The following PHLDB2 variants were observed in gnomAD, a reference collection of about 807,000 sequenced individuals.
PHLDB2 encodes the protein pleckstrin homology like domain family B member 2, also known as pleckstrin homology-like domain family B member 2.
In PHLDB2, 71 loss-of-function variants were observed where a neutral mutation model predicts 123.6. The ratio of observed to expected loss-of-function variants is 0.57; its 90% CI spans 0.47 to 0.70. The LOEUF is 0.70. Among genes scored for constraint, PHLDB2 ranks in the 30% least tolerant of loss-of-function variants. The pLI is 0.00. For synonymous variants in PHLDB2, 547 were observed against 541.6 expected, an observed-to-expected ratio of 1.01 and a Z score of -0.14; for missense variants, 1,446 against 1,519.5, an observed-to-expected ratio of 0.95 and a Z score of 0.80.
At chr3:111,964,917 A>G (rs1226316851) in intron 13 of PHLDB2, among the ~76,000 whole-genome samples, 18 of 152,276 alleles carry the variant, frequency 1.2e-4, no homozygotes, top group Non-Finnish European at 2.9e-5. Context: ...GTGAAATTCA[A>G]ATTATTTTCA....
chr3:111,923,948 CTG>C (rs1428858223), intron 5 of PHLDB2, among the ~76,000 whole-genome samples: 1 of 152,226 alleles, frequency 6.6e-6, no homozygotes, highest in East Asian at 1.9e-4. Context: ...TTGCATCACA[CTG>C]TACTTGACTA....
intron 2 of PHLDB2, among the ~76,000 whole-genome samples, chr3:111,852,367 T>TTA (rs1324604928): frequency 6.7e-6 from 1 of 148,382 alleles, no homozygotes. Flanking sequence ...TACACATATA[T>TTA]TATATATACA....
intron 1 of PHLDB2, among the ~76,000 whole-genome samples, chr3:111,781,797 G>C (rs998789773): frequency 2.6e-5 from 4 of 152,074 alleles, no homozygotes; most frequent in African/African-American, 9.7e-5. Context: ...TTGGGGGAAA[G>C]GTGTTTTTTA....
intron 1 of PHLDB2, among the ~76,000 whole-genome samples, chr3:111,733,003 A>C (rs1175836674): frequency 6.6e-6 from 1 of 152,228 alleles, no homozygotes; most frequent in Non-Finnish European, 1.5e-5. Flanking sequence ...AAATGATTTC[A>C]TTGGTGGTAA....
At chr3:111,927,486 A>T (rs953858915) in intron 5 of PHLDB2, among the ~76,000 whole-genome samples, 1 of 152,228 alleles carries the variant, frequency 6.6e-6, no homozygotes, top group Non-Finnish European at 1.5e-5. Context: ...GCGTGCCTAG[A>T]GTGCTGGGTT....
chr3:111,793,336 A>C (rs564890104), intron 1 of PHLDB2, among the ~76,000 whole-genome samples: 1 of 152,072 alleles, frequency 6.6e-6, no homozygotes, highest in African/African-American at 2.4e-5. Context: ...TGCAGAAAAT[A>C]CTGCTTGGCT....
At chr3:111,911,781 G>GT (rs577896517) in intron 2 of PHLDB2, 270 of 1,421,318 alleles carry the variant, frequency 1.9e-4, no homozygotes, top group Non-Finnish European at 2.1e-4. Context: ...TTGCTCTTTT[G>GT]TTTTTTTTGT....
intron 5 of PHLDB2, among the ~76,000 whole-genome samples, chr3:111,929,868 C>A (rs1444029465): frequency 6.6e-6 from 1 of 151,898 alleles, no homozygotes; most frequent in African/African-American, 2.4e-5. Flanking sequence ...AATTGCAAAA[C>A]CTTTTGAGCA....
intron 1 of PHLDB2, among the ~76,000 whole-genome samples, chr3:111,865,669 T>G (rs2065033758): frequency 6.6e-6 from 1 of 152,138 alleles, no homozygotes. Context: ...TCTGACTTGC[T>G]TCCCTGGCAG....
rs188654826 is a variant in PHLDB2, at chr3:111,919,847, C to T, written c.1864-435C>T. 1.9e-3 allele frequency among the ~76,000 whole-genome samples: 296 copies of T among 152,258 alleles called. 1 individual carries two copies. The highest frequency in any genetic ancestry group is 6.7e-3 in the African/African-American group (277 of 41,548). ...AGGGGACTGCTCACCTGTTGTCTTGCGTAGAGACGCTGGAAGCCCCTCCTG... is the reference window on the plus strand; with the variant it reads ...AGGGGACTGCTCACCTGTTGTCTTGTGTAGAGACGCTGGAAGCCCCTCCTG... On this transcript the variant is annotated intron_variant, in intron 4 of 17. Transcript: ENST00000431670.
intron 1 of PHLDB2, among the ~76,000 whole-genome samples, chr3:111,883,691 A>G (rs945392717): frequency 6.6e-6 from 1 of 152,230 alleles, no homozygotes; most frequent in Non-Finnish European, 1.5e-5. Context: ...AGTCCATTGC[A>G]TTATGCCTTT....
At chr3:111,968,992 T>C (rs528804595) in intron 15 of PHLDB2, among the ~76,000 whole-genome samples, 4 of 152,160 alleles carry the variant, frequency 2.6e-5, no homozygotes, top group Non-Finnish European at 4.4e-5. Context: ...CTATCACCCA[T>C]GGTGATATAT....
At chr3:111,751,100 A>T (rs1028898723) in intron 1 of PHLDB2, among the ~76,000 whole-genome samples, 2 of 152,034 alleles carry the variant, frequency 1.3e-5, no homozygotes, top group Non-Finnish European at 2.9e-5. Context: ...CCAACCTGTG[A>T]TCTCAGCAAA....
chr3:111,935,844 C>T (rs1331045867), intron 6 of PHLDB2, among the ~76,000 whole-genome samples: 1 of 152,186 alleles, frequency 6.6e-6, no homozygotes, highest in Non-Finnish European at 1.5e-5. Flanking sequence ...TCCCAGCCCA[C>T]CGACTCAAAT....
At chr3:111,800,013 CT>C (rs774498595) in intron 1 of PHLDB2, among the ~76,000 whole-genome samples, 3 of 151,528 alleles carry the variant, frequency 2.0e-5, no homozygotes, top group Admixed American at 6.6e-5. Context: ...ACTCGAGAAA[CT>C]TTTTTTTTGA....
intron 1 of PHLDB2, among the ~76,000 whole-genome samples, chr3:111,788,372 C>A (rs1179895959): frequency 6.6e-6 from 1 of 152,148 alleles, no homozygotes; most frequent in African/African-American, 2.4e-5. Flanking sequence ...GAGTCTGGGA[C>A]TTTTGTGTGT....
intron 1 of PHLDB2, among the ~76,000 whole-genome samples, chr3:111,747,623 C>T (rs1280149486): frequency 1.3e-5 from 2 of 152,130 alleles, no homozygotes; most frequent in Admixed American, 1.3e-4. Context: ...CCCCAATCCC[C>T]AGTAGCCTCT....
intron 5 of PHLDB2, among the ~76,000 whole-genome samples, chr3:111,923,206 GT>G (rs1285895202): frequency 1.3e-5 from 2 of 152,014 alleles, no homozygotes; most frequent in Non-Finnish European, 1.5e-5. Flanking sequence ...ATTCTCTCCT[GT>G]TAAGACTACT....
chr3:111,930,528 G>A (rs1053200892), intron 5 of PHLDB2, among the ~76,000 whole-genome samples: 2 of 152,102 alleles, frequency 1.3e-5, no homozygotes, highest in African/African-American at 4.8e-5. Flanking sequence ...TGTAAATAGG[G>A]CAATCTTTGA....
Sources: gnomAD v4.1 joint callset for allele counts (sites outside exome capture counted in the v4.1 genomes callset) on GRCh38, gnomAD v4.1.1 for gene constraint, MANE v1.5 for transcripts, NCBI Gene and HGNC (gene_info 2026-07-23, HGNC 2026-07-21) for gene names.